Variants in NFAM1 observed in about 807,000 individuals in gnomAD.
The protein encoded by NFAM1 is NFAT activating protein with ITAM motif 1.
In NFAM1, 17 loss-of-function variants were observed where a neutral mutation model predicts 29.0. The ratio of observed to expected loss-of-function variants is 0.59; its 90% confidence interval spans 0.40 to 0.88. The LOEUF (loss-of-function observed/expected upper bound fraction) is 0.88. Among genes scored for constraint, NFAM1 ranks in the 40% least tolerant of loss-of-function variants. NFAM1 has a pLI of 0.00. For missense variants in NFAM1, 324 were observed against 344.6 expected, an observed-to-expected ratio of 0.94 and a Z score of 0.47; for synonymous variants, 175 against 147.2, an observed-to-expected ratio of 1.19 and a Z score of -1.36.
At chr22:42,425,880 T>C (rs562926920) in intron 1 of NFAM1, among the ~76,000 whole-genome samples, 4 of 152,092 alleles carry the variant, frequency 2.6e-5, no homozygotes. Flanking sequence ...TGAGCGCCTG[T>C]GTGCTCGGGA....
chr22:42,387,156 C>G, intron 4 of NFAM1, 78 bp from the exon 5 acceptor site: 1 of 798,492 alleles, frequency 1.3e-6, no homozygotes, highest in Non-Finnish European at 2.0e-6. Context: ...AGCCCCCTGC[C>G]TGTTACACAC....
intron 4 of NFAM1, among the ~76,000 whole-genome samples, chr22:42,395,870 G>A (rs1276154359): frequency 1.5e-5 from 2 of 136,880 alleles, no homozygotes; most frequent in Admixed American, 7.9e-5. Context: ...GCGACAGAGC[G>A]AGACTCTGCT....
upstream of NFAM1, among the ~76,000 whole-genome samples, chr22:42,434,455 G>A (rs1262373223): frequency 6.6e-6 from 1 of 152,142 alleles, no homozygotes; most frequent in Non-Finnish European, 1.5e-5. Context: ...GCAGCTGAGG[G>A]TCCCAGCTCA....
At position 42,383,505 on chromosome 22, in the gene NFAM1, T is replaced by G. The variant is rs1373596791; in HGVS notation, c.*1656A>C. On this transcript the variant is annotated 3_prime_UTR_variant, in exon 6 of 6. Coordinates refer to ENST00000329021, the MANE Select transcript of NFAM1 (RefSeq NM_145912.8). The stretch of plus-strand genomic sequence containing the variant: ...CTGCTAAAGCCCTCCTTGCCATGTG[T>G]GCTTGCAGGCGGGGGCCCAGAACCA... The G allele has an allele frequency of 6.5e-6, 1 of 152,736 alleles. No individual in the cohort carries two copies. The allele number at this position is 152,736 out of a possible 1,614,324, so 9.5% of individuals were successfully genotyped here. A position where few individuals can be genotyped will look rare whatever the true frequency, so the allele number is the denominator to read the frequency against.
intron 4 of NFAM1, among the ~76,000 whole-genome samples, chr22:42,391,301 T>C (rs1291688204): frequency 2.3e-5 from 3 of 130,422 alleles, no homozygotes; most frequent in Non-Finnish European, 3.1e-5. Context: ...GATCTGTCGA[T>C]GGCTTACCAG....
intron 4 of NFAM1, among the ~76,000 whole-genome samples, chr22:42,387,862 G>A (rs1200007729): frequency 1.3e-5 from 2 of 152,160 alleles, no homozygotes; most frequent in East Asian, 1.9e-4. Flanking sequence ...CAGGAAGCCC[G>A]AGTCAGTATT....
At chr22:42,405,894 C>T (rs893591716) in intron 3 of NFAM1, among the ~76,000 whole-genome samples, 8 of 152,184 alleles carry the variant, frequency 5.3e-5, no homozygotes, top group African/African-American at 1.9e-4. Context: ...GGCCCTGACC[C>T]AGACGTTGGC....
In NFAM1 at chr22:42,412,760, G is replaced by A. The variant is rs182550534; in HGVS notation, c.122-1024C>T. ...CAAACCTCTCCCGGACTCTGGGCTC[G>A]GAGAGGATTTGTCAGGTTTTTTACA... On this transcript the variant is annotated intron_variant, in intron 1 of 5. Coordinates refer to ENST00000329021, the MANE Select transcript of NFAM1 (RefSeq NM_145912.8). 1.4e-4 allele frequency among the ~76,000 whole-genome samples: 22 copies of A among 152,300 alleles called. No homozygotes were observed. In the East Asian group the frequency reaches 3.1e-3, roughly 21 times the overall value.
intron 3 of NFAM1, among the ~76,000 whole-genome samples, chr22:42,403,597 C>T (rs530353258): frequency 1.3e-5 from 2 of 152,340 alleles, no homozygotes; most frequent in East Asian, 1.9e-4. Context: ...GGATTATAGG[C>T]GTGAGCCACT....
Position 42,409,411 on chromosome 22 carries a change from T to C in NFAM1, c.564+24A>G, listed in dbSNP as rs748070568. ...TGGCGTGTCGGGTGGAGGGGCTGCA[T>C]GGCTGTGAGCACTGATCCCGTACCT... On this transcript the variant is annotated intron_variant, in intron 3 of 5. Coordinates refer to ENST00000329021, the MANE Select transcript of NFAM1 (RefSeq NM_145912.8). The surrounding 1 kb of genome is among the most constrained non-coding windows in gnomAD (Gnocchi z 4.9). The C allele has an allele frequency of 1.6e-6, 2 of 1,284,558 alleles. No individual in the cohort carries two copies. Among genetic ancestry groups the C allele is most frequent in the East Asian group, 2.7e-5 (1 of 37,142 alleles). 79.6% of individuals were successfully genotyped at this position (1,284,558 alleles called of 1,614,324 possible).
At chr22:42,421,445 C>CAAAAAA (rs202030633) in intron 1 of NFAM1, among the ~76,000 whole-genome samples, 1 of 112,600 alleles carries the variant, frequency 8.9e-6, no homozygotes, top group Non-Finnish European at 1.9e-5. Flanking sequence ...AACTCTGTCT[C>CAAAAAA]AAAAAAAAAA....
chr22:42,429,896 T>C (rs1386109308), intron 1 of NFAM1, among the ~76,000 whole-genome samples: 1 of 151,942 alleles, frequency 6.6e-6, no homozygotes, highest in Non-Finnish European at 1.5e-5. Context: ...CCCTCAAAGC[T>C]CTGAGACGAG....
chr22:42,437,870 C>G, the NFAM1 span, among the ~76,000 whole-genome samples: 2 of 152,174 alleles, frequency 1.3e-5, no homozygotes, highest in Non-Finnish European at 2.9e-5. Flanking sequence ...GTACAGGGTG[C>G]AGGGCGTGGC....
Position 42,419,112 on chromosome 22 carries a change from T to C in NFAM1, c.122-7376A>G, listed in dbSNP as rs558709883. On this transcript the variant is annotated intron_variant, in intron 1 of 5. Transcript: ENST00000329021. The surrounding 1 kb of genome is among the most constrained non-coding windows in gnomAD (Gnocchi z 4.5). ...GGGGACCACATGCCGAGTGAGTCCC[T>C]GGCGGGGTGTGCCCCCACGTGTTTG... 1.9e-3 allele frequency among the ~76,000 whole-genome samples: 287 copies of C among 152,298 alleles called. 2 individuals are homozygous for C. The highest frequency in any genetic ancestry group is 6.5e-3 in the African/African-American group (272 of 41,578).
Position 42,423,904 on chromosome 22 carries a change from G to C in NFAM1, c.121+8333C>G, listed in dbSNP as rs143726179. 2.6e-4 allele frequency among the ~76,000 whole-genome samples: 40 copies of C among 152,126 alleles called. No individual in the cohort carries two copies. In the East Asian group the frequency reaches 3.5e-3, roughly 13 times the overall value. ...CCCAGCTAGTTTTTGTATTTTAGTA[G>C]AGGGAGGGTTTCACCAGGTTGGCCA... On this transcript the variant is annotated intron_variant, in intron 1 of 5. Coordinates refer to ENST00000329021, the MANE Select transcript of NFAM1 (RefSeq NM_145912.8).
At chr22:42,387,729 C>T (rs1267492144) in intron 4 of NFAM1, among the ~76,000 whole-genome samples, 1 of 152,074 alleles carries the variant, frequency 6.6e-6, no homozygotes, top group Non-Finnish European at 1.5e-5. Context: ...CCTTTCATTC[C>T]CCTCAGCCAC....
At chr22:42,399,697 G>C (rs1180887428) in intron 3 of NFAM1, among the ~76,000 whole-genome samples, 1 of 152,140 alleles carries the variant, frequency 6.6e-6, no homozygotes, top group African/African-American at 2.4e-5. Flanking sequence ...GGAGTCACGA[G>C]GCGGTACAGG....
chr22:42,432,529 C>T, upstream of NFAM1: 1 of 832,706 alleles, frequency 1.2e-6, no homozygotes, highest in African/African-American at 1.7e-5. Flanking sequence ...AGGAACCTGG[C>T]ACTGAGACTG....
Position 42,385,029 on chromosome 22 carries a change from G to A in NFAM1, c.*132C>T. ...AGTGGGGCCGGCCAAGACAGGAAGG[G>A]CCTTGAATGTGAGGGTGAAATGATG... On this transcript the variant is annotated 3_prime_UTR_variant, in exon 6 of 6. Transcript: ENST00000329021. 1.3e-6 allele frequency: 1 copy of A among 754,856 alleles called. No homozygotes were observed. The highest frequency in any genetic ancestry group is 2.4e-6 in the Non-Finnish European group (1 of 416,600). The allele number at this position is 754,856 out of a possible 1,614,324, so 46.8% of individuals were successfully genotyped here. A position where few individuals can be genotyped will look rare whatever the true frequency, so the allele number is the denominator to read the frequency against.
Sources: allele counts gnomAD v4.1 joint callset (sites outside exome capture counted in the v4.1 genomes callset), GRCh38; gene constraint gnomAD v4.1.1; non-coding constraint Gnocchi (gnomAD v3.1); transcripts MANE v1.5; gene names NCBI Gene and HGNC (gene_info 2026-07-23, HGNC 2026-07-21).